SPIRE1: variants seen among roughly 807,000 people sequenced by gnomAD.
SPIRE1 encodes the protein spire type actin nucleation factor 1.
SPIRE1 carries 40 observed loss-of-function variants against 94.1 expected under a neutral mutation model. The observed-to-expected ratio is 0.43, with a 90% CI of 0.33 to 0.55. SPIRE1 has a LOEUF of 0.55. Ranked by LOEUF, SPIRE1 falls within the 20% of genes least tolerant of loss-of-function variation. SPIRE1 has a pLI of 0.06. For synonymous variants in SPIRE1, 376 were observed against 371.7 expected (o/e 1.01, Z -0.13); for missense variants, 838 against 975.2 (o/e 0.86, Z 1.87).
At chr18:12,630,929 T>G (rs190790998) in intron 2 of SPIRE1, among the ~76,000 whole-genome samples, 1 of 152,262 alleles carries the variant, frequency 6.6e-6, no homozygotes, top group African/African-American at 2.4e-5. Context: ...GAAAAATAAT[T>G]TAAGAGCCAA....
At chr18:12,498,295 GC>G (rs1338205794) in intron 6 of SPIRE1, among the ~76,000 whole-genome samples, 26 of 152,298 alleles carry the variant, frequency 1.7e-4, no homozygotes, top group African/African-American at 6.0e-4. Flanking sequence ...GCTCTCTGAA[GC>G]AAAATGAGAA....
intron 10 of SPIRE1, among the ~76,000 whole-genome samples, chr18:12,478,487 G>C (rs1470684233): frequency 6.7e-6 from 1 of 149,512 alleles, no homozygotes; most frequent in African/African-American, 2.5e-5. Flanking sequence ...GTGTAGCTAG[G>C]GGAGGTGTGT....
intron 4 of SPIRE1, among the ~76,000 whole-genome samples, chr18:12,526,075 A>ACACACACACACACACACACC (rs2034515384): frequency 2.0e-5 from 3 of 151,390 alleles, no homozygotes; most frequent in African/African-American, 7.3e-5. Flanking sequence ...ACACACACAC[A>ACACACACACACACACACACC]CACACACACA....
chr18:12,648,890 CAAAAAAAAAA>C (rs56696562), intron 1 of SPIRE1, among the ~76,000 whole-genome samples: 3 of 85,522 alleles, frequency 3.5e-5, no homozygotes, highest in East Asian at 6.7e-4. Context: ...AACTCCGTCT[CAAAAAAAAAA>C]AAAAAAAAAA....
At position 12,507,805 on chromosome 18, in the gene SPIRE1, T is replaced by C. The variant is rs148532989; in HGVS notation, c.808-1164A>G. ...TAATGTGTCAAAGTCTCTACTTGAG[T>C]GAAGTCCATCACAATATTTAGCTAA... On this transcript the variant is annotated intron_variant, in intron 5 of 16. Coordinates refer to ENST00000409402, the MANE Select transcript of SPIRE1 (RefSeq NM_001128626.2). Among the ~76,000 whole-genome samples the C allele has an allele frequency of 5.5e-3, 830 of 152,232 alleles. 7 individuals carry two copies. Among genetic ancestry groups the C allele is most frequent in the African/African-American group, 0.019 (795 of 41,538 alleles).
chr18:12,624,379 C>G (rs899754423), intron 2 of SPIRE1, among the ~76,000 whole-genome samples: 2 of 151,512 alleles, frequency 1.3e-5, no homozygotes, highest in South Asian at 4.2e-4. Context: ...CCCGTCTCTA[C>G]TGAAATTACA....
In SPIRE1 at chr18:12,625,858, C is replaced by T. The variant is rs546806359; in HGVS notation, c.372+9204G>A. On this transcript the variant is annotated intron_variant, in intron 2 of 16. Coordinates refer to ENST00000409402, the MANE Select transcript of SPIRE1 (RefSeq NM_001128626.2). ...AGGAGTTCGAGATCAGCCTGGCCAACATGGTGAAACCCCGTCTCTACTAAA... is the reference window on the plus strand; with the variant it reads ...AGGAGTTCGAGATCAGCCTGGCCAATATGGTGAAACCCCGTCTCTACTAAA... Among the ~76,000 whole-genome samples the T allele has an allele frequency of 2.3e-3, 357 of 152,232 alleles. 3 individuals carry two copies. The highest frequency in any genetic ancestry group is 0.014 in the South Asian group (69 of 4,818).
intron 1 of SPIRE1, among the ~76,000 whole-genome samples, chr18:12,649,595 T>C (rs2038320630): frequency 1.3e-5 from 2 of 152,332 alleles, no homozygotes; most frequent in Admixed American, 6.5e-5. Context: ...ACTGCTGTTA[T>C]TTTATAGGAC....
chr18:12,651,660 G>A (rs548229664), intron 1 of SPIRE1, among the ~76,000 whole-genome samples: 6 of 152,212 alleles, frequency 3.9e-5, no homozygotes, highest in African/African-American at 7.2e-5. Flanking sequence ...GCAACAGAGC[G>A]AGACTCCATC....
At chr18:12,496,205 G>A (rs2033452969) in intron 6 of SPIRE1, 103 bp from the exon 7 acceptor site, 1 of 736,890 alleles carries the variant, frequency 1.4e-6, no homozygotes, top group East Asian at 2.7e-5. Context: ...TTAGTGAAGT[G>A]TAATTACCAA....
chr18:12,521,481 GCACCACCA>G (rs368253052), intron 4 of SPIRE1, among the ~76,000 whole-genome samples: 41 of 152,138 alleles, frequency 2.7e-4, no homozygotes, highest in African/African-American at 9.4e-4. Context: ...TTATAGGCGT[GCACCACCA>G]CACCTGGCTA....
chr18:12,490,262 G>A (rs1236149008), intron 8 of SPIRE1, among the ~76,000 whole-genome samples: 1 of 152,072 alleles, frequency 6.6e-6, no homozygotes, highest in African/African-American at 2.4e-5. Flanking sequence ...GTTCCCATTA[G>A]CAACTACATA....
intron 2 of SPIRE1, among the ~76,000 whole-genome samples, chr18:12,611,048 T>A (rs1460824438): frequency 6.6e-6 from 1 of 152,112 alleles, no homozygotes. Context: ...AATTCTCTAC[T>A]CTCCATTCTG....
intron 2 of SPIRE1, among the ~76,000 whole-genome samples, chr18:12,560,828 G>C (rs546291735): frequency 1.8e-4 from 28 of 152,188 alleles, no homozygotes; most frequent in Non-Finnish European, 4.0e-4. Context: ...ACTCTAGCCT[G>C]GGTGACAGAG....
intron 4 of SPIRE1, among the ~76,000 whole-genome samples, chr18:12,515,800 T>A (rs1030292916): frequency 6.6e-6 from 1 of 152,122 alleles, no homozygotes; most frequent in African/African-American, 2.4e-5. Context: ...TTGCTTCAAT[T>A]TGGGACATCT....
chr18:12,640,279 G>T (rs902127924), intron 1 of SPIRE1, among the ~76,000 whole-genome samples: 1 of 152,146 alleles, frequency 6.6e-6, no homozygotes, highest in African/African-American at 2.4e-5. Flanking sequence ...ATGGTTCTCA[G>T]AATTATTCTC....
rs1446871021 is a variant in SPIRE1 at position 12,447,892 on chromosome 18, G to A, written c.*1746C>T. 3 of 152,064 alleles carry A rather than the reference G, an allele frequency of 2.0e-5. No homozygotes were observed. Among genetic ancestry groups the A allele is most frequent in the Non-Finnish European group, 4.4e-5 (3 of 68,036 alleles). 9.4% of individuals were successfully genotyped at this position (152,064 alleles called of 1,614,324 possible). On this transcript the variant is annotated 3_prime_UTR_variant, in exon 17 of 17. Coordinates refer to ENST00000409402, the MANE Select transcript of SPIRE1 (RefSeq NM_001128626.2). ...TAGTCATTTTAAAAACTCAAGCCTG[G>A]GGTCATCAAAAGGGGTAGATTTATA...
At chr18:12,614,728 G>T (rs2037236186) in intron 2 of SPIRE1, among the ~76,000 whole-genome samples, 2 of 152,154 alleles carry the variant, frequency 1.3e-5, no homozygotes, top group African/African-American at 4.8e-5. Flanking sequence ...TGAGGCAGGA[G>T]AATCACTTGA....
At chr18:12,592,458 C>A (rs1214245074) in intron 2 of SPIRE1, among the ~76,000 whole-genome samples, 2 of 152,232 alleles carry the variant, frequency 1.3e-5, no homozygotes, top group African/African-American at 4.8e-5. Flanking sequence ...GTTTACAGAT[C>A]ATCTAATCCA....
Sources: gnomAD v4.1 joint callset for allele counts (sites outside exome capture counted in the v4.1 genomes callset) on GRCh38, gnomAD v4.1.1 for gene constraint, MANE v1.5 for transcripts, NCBI Gene and HGNC (gene_info 2026-07-23, HGNC 2026-07-21) for gene names.